The following GLIS3 variants were observed in gnomAD, a reference collection of about 807,000 sequenced individuals.
GLIS3 encodes the protein GLIS family zinc finger 3, also known as zinc finger protein GLIS3.
GLIS3 carries 53 observed loss-of-function variants against 78.6 expected under a neutral mutation model. That is an observed-to-expected ratio of 0.67 (90% CI 0.54 to 0.85). The LOEUF is 0.85. Among genes scored for constraint, GLIS3 ranks in the 40% least tolerant of loss-of-function variants. GLIS3 has a pLI of 0.00. For missense variants in GLIS3, 1,703 were observed against 1,231.1 expected, an observed-to-expected ratio of 1.38 and a Z score of -5.74; for synonymous variants, 684 against 509.9, an observed-to-expected ratio of 1.34 and a Z score of -4.60.
chr9:3,958,376 C>T (rs532511702), intron 4 of GLIS3, among the ~76,000 whole-genome samples: 16 of 152,216 alleles, frequency 1.1e-4, no homozygotes, highest in African/African-American at 3.6e-4. Context: ...CAAAAAAAGT[C>T]ATGAATCATT....
the GLIS3 span, among the ~76,000 whole-genome samples, chr9:4,473,294 A>G: frequency 6.6e-6 from 1 of 152,032 alleles, no homozygotes; most frequent in Non-Finnish European, 1.5e-5. Flanking sequence ...AAAAATACAA[A>G]AAGTAGCTGA....
chr9:4,185,798 T>G (rs900742251), intron 2 of GLIS3, among the ~76,000 whole-genome samples: 1 of 152,072 alleles, frequency 6.6e-6, no homozygotes, highest in Non-Finnish European at 1.5e-5. Flanking sequence ...CTCACTCTTC[T>G]CCTTTCATTT....
chr9:4,236,931 G>A (rs1299936805), intron 2 of GLIS3, among the ~76,000 whole-genome samples: 1 of 152,040 alleles, frequency 6.6e-6, no homozygotes, highest in Non-Finnish European at 1.5e-5. Flanking sequence ...TTTGAAACCA[G>A]GATGGGCTCA....
the GLIS3 span, among the ~76,000 whole-genome samples, chr9:4,407,741 A>C: frequency 1.3e-5 from 2 of 152,354 alleles, no homozygotes; most frequent in South Asian, 4.1e-4. Flanking sequence ...CCGCAAGCGC[A>C]AACAAAGCAG....
intron 4 of GLIS3, among the ~76,000 whole-genome samples, chr9:4,105,487 T>A (rs1343666905): frequency 6.6e-6 from 1 of 152,204 alleles, no homozygotes; most frequent in Non-Finnish European, 1.5e-5. Context: ...TTGGAGGAAA[T>A]GTATAATCAG....
At chr9:4,331,717 T>C (rs12378782) in intron 2 of GLIS3, among the ~76,000 whole-genome samples, 96,364 of 151,980 alleles carry the variant, frequency 0.63, 34,173 homozygotes, top group Non-Finnish European at 0.81. Flanking sequence ...CAGACTTGAG[T>C]GTGAGCCAAA....
intron 9 of GLIS3, among the ~76,000 whole-genome samples, chr9:3,838,752 G>GT (rs1818525891): frequency 1.2e-5 from 1 of 85,764 alleles, no homozygotes; most frequent in African/African-American, 4.2e-5. Context: ...AAGGAAAAGG[G>GT]ACAGAGGAGA....
chr9:4,331,849 A>G (rs1300618746), intron 2 of GLIS3, among the ~76,000 whole-genome samples: 1 of 152,198 alleles, frequency 6.6e-6, no homozygotes, highest in Non-Finnish European at 1.5e-5. Context: ...CACATGAACA[A>G]AGGCCCAGAA....
the GLIS3 span, among the ~76,000 whole-genome samples, chr9:4,455,585 T>C: frequency 0.81 from 122,979 of 152,084 alleles, 49,921 homozygotes; most frequent in African/African-American, 0.87. Context: ...CTTTCCAAAC[T>C]TAACATTGTA....
intron 4 of GLIS3, among the ~76,000 whole-genome samples, chr9:3,951,654 G>C (rs1337006777): frequency 6.6e-6 from 1 of 151,844 alleles, no homozygotes; most frequent in East Asian, 1.9e-4. Context: ...TAAACTTCAG[G>C]GTGAACGGAC....
In GLIS3 at chr9:3,940,518, C is replaced by A. The variant is rs77505739; in HGVS notation, c.1711-3329G>T. 3.3e-5 allele frequency among the ~76,000 whole-genome samples: 5 copies of A among 152,280 alleles called. No individual in the cohort carries two copies. In the East Asian group the frequency reaches 9.7e-4, roughly 29 times the overall value. ...ATTGAACAATATCCTATGTTCAGGT[C>A]TTCTGCTTCCTGGGCTAGCTGTAGG... is the stretch of plus-strand genomic sequence containing the variant. On this transcript the variant is annotated intron_variant, in intron 4 of 10. Transcript: ENST00000381971.
intron 4 of GLIS3, among the ~76,000 whole-genome samples, chr9:4,010,345 T>C (rs1309167475): frequency 2.0e-5 from 3 of 152,192 alleles, no homozygotes; most frequent in Non-Finnish European, 4.4e-5. Context: ...TCAATCACTT[T>C]ACAGGACAGT....
At chr9:4,046,180 A>G (rs1208388048) in intron 4 of GLIS3, among the ~76,000 whole-genome samples, 1 of 152,172 alleles carries the variant, frequency 6.6e-6, no homozygotes, top group South Asian at 2.1e-4. Flanking sequence ...AACTTGTTAT[A>G]AACTGTTTTC....
chr9:4,338,690 G>GT (rs1281925562), intron 2 of GLIS3, among the ~76,000 whole-genome samples: 2 of 152,198 alleles, frequency 1.3e-5, no homozygotes, highest in Admixed American at 6.5e-5. Context: ...GGAAAATAGT[G>GT]TAAGTACTGG....
intron 2 of GLIS3, among the ~76,000 whole-genome samples, chr9:4,330,621 G>A (rs1407780392): frequency 1.3e-5 from 2 of 151,088 alleles, no homozygotes; most frequent in Non-Finnish European, 2.9e-5. Context: ...TGGAGGTGAA[G>A]GTTGGATGGA....
chr9:3,869,134 C>T (rs959453587), intron 8 of GLIS3, among the ~76,000 whole-genome samples: 3 of 152,102 alleles, frequency 2.0e-5, no homozygotes, highest in Non-Finnish European at 2.9e-5. Flanking sequence ...CAGCGAAAGA[C>T]AATAAACAAA....
intron 2 of GLIS3, among the ~76,000 whole-genome samples, chr9:4,346,046 G>C (rs1817893733): frequency 6.6e-6 from 1 of 152,008 alleles, no homozygotes; most frequent in Admixed American, 6.6e-5. Flanking sequence ...AATAAATACA[G>C]ACACAGAAGA....
In GLIS3 at chr9:4,085,003, G is replaced by A. The variant is rs536250269; in HGVS notation, c.1710+32765C>T. 8.9e-5 allele frequency among the ~76,000 whole-genome samples: 11 copies of A among 123,700 alleles called. 1 individual carries two copies. The highest frequency in any genetic ancestry group is 3.2e-4 in the African/African-American group (11 of 34,376). The allele number at this position is 123,700 out of a possible 152,430, so 81.2% of individuals were successfully genotyped here. Reference sequence around the variant, plus strand: ...CAACGCAATGCAAAAACTTTTGGGAGGAATAAAAAAAAGCACATAGAAAAT... The same window carrying A: ...CAACGCAATGCAAAAACTTTTGGGAAGAATAAAAAAAAGCACATAGAAAAT... On this transcript the variant is annotated intron_variant, in intron 4 of 10. Coordinates refer to ENST00000381971, the MANE Select transcript of GLIS3 (RefSeq NM_001042413.2).
intron 2 of GLIS3, among the ~76,000 whole-genome samples, chr9:4,176,324 T>G (rs1182356176): frequency 2.0e-5 from 3 of 152,180 alleles, no homozygotes; most frequent in African/African-American, 4.8e-5. Context: ...ATAATCATAG[T>G]GTTTTAGGCT....
Sources: gnomAD v4.1 joint callset for allele counts (sites outside exome capture counted in the v4.1 genomes callset) on GRCh38, gnomAD v4.1.1 for gene constraint, MANE v1.5 for transcripts, NCBI Gene and HGNC (gene_info 2026-07-23, HGNC 2026-07-21) for gene names.